NFATC2: variants seen among roughly 807,000 people sequenced by gnomAD.
NFATC2 encodes the protein nuclear factor of activated T cells 2.
In NFATC2, 22 loss-of-function variants were observed where a neutral mutation model predicts 87.3. The ratio of observed to expected loss-of-function variants is 0.25; its 90% CI spans 0.18 to 0.36. The LOEUF is 0.36. NFATC2 is among the 10% of genes least tolerant of loss of function. The probability of loss-of-function intolerance (pLI) is 1.00; values close to 1 mark genes in which losing one functional copy is unlikely to be tolerated. For synonymous variants in NFATC2, 565 were observed against 542.2 expected (o/e 1.04, Z -0.58); for missense variants, 1,149 against 1,259.1 (o/e 0.91, Z 1.32).
chr20:51,404,541 A>G (rs1988370333), intron 9 of NFATC2, among the ~76,000 whole-genome samples: 1 of 152,234 alleles, frequency 6.6e-6, no homozygotes, highest in Non-Finnish European at 1.5e-5. Flanking sequence ...GCACTATGCC[A>G]AGCTAAGAAA....
Position 51,562,062 on chromosome 20 carries a change from C to T in NFATC2, c.70+498G>A, listed in dbSNP as rs1033905533. Among the ~76,000 whole-genome samples, 1 of 152,180 alleles carries T rather than the reference C, an allele frequency of 6.6e-6. No individual in the cohort carries two copies. The highest frequency in any genetic ancestry group is 2.4e-5 in the African/African-American group (1 of 41,438). On this transcript the variant is annotated intron_variant, in intron 1 of 10. Transcript: ENST00000414705. This position sits in a 1 kb window ranked among gnomAD's most constrained non-coding sequence, Gnocchi z 5.8. Reference sequence around the variant, plus strand: ...AGGGGGAAGAAAATAGTTTAAATGTCCCAGAGCATCCGCTGCTGCTGTAAC... The same window carrying T: ...AGGGGGAAGAAAATAGTTTAAATGTTCCAGAGCATCCGCTGCTGCTGTAAC...
intron 1 of NFATC2, among the ~76,000 whole-genome samples, chr20:51,532,543 TC>T (rs1483177756): frequency 6.6e-6 from 1 of 151,930 alleles, no homozygotes; most frequent in Admixed American, 6.6e-5. Context: ...CAGGATTGAG[TC>T]AAAGATTATT....
At chr20:51,522,976 A>C in intron 2 of NFATC2, 105 bp downstream of exon 2, 1 of 1,468,708 alleles carries the variant, frequency 6.8e-7, no homozygotes, top group Non-Finnish European at 9.2e-7. Context: ...ATTTAAATCC[A>C]TTTAAAGTCA....
intron 1 of NFATC2, among the ~76,000 whole-genome samples, chr20:51,531,720 A>G (rs934826665): frequency 6.6e-6 from 1 of 152,206 alleles, no homozygotes; most frequent in Non-Finnish European, 1.5e-5. Context: ...AGCCCAAGAC[A>G]CACAGAATCA....
intron 1 of NFATC2, among the ~76,000 whole-genome samples, chr20:51,558,028 T>C (rs1272631229): frequency 6.6e-6 from 1 of 152,202 alleles, no homozygotes; most frequent in Non-Finnish European, 1.5e-5. Flanking sequence ...CTCAAATTCC[T>C]GTTCTAGCAA....
intron 10 of NFATC2, among the ~76,000 whole-genome samples, chr20:51,397,947 C>T (rs1987435623): frequency 6.6e-6 from 1 of 152,186 alleles, no homozygotes. Context: ...CTGGACTTCA[C>T]ACCCCAGGGC....
chr20:51,432,422 G>A lies in NFATC2; in HGVS notation c.2367C>T (p.Gly789=). The part of the protein sequence containing the change: ...DAHRSVLVHA[G]SQGQSSALLH... ...GCAGGGCTGAGCTCTGGCCCTGGGA[G>A]CCGGCGTGCACCAGCACAGAGCGGT... The change falls in exon 9 of 11, where the codon GGC becomes GGT. Residue 789 remains glycine, a synonymous_variant. Coordinates refer to ENST00000371564, the MANE Select transcript of NFATC2 (RefSeq NM_012340.5). The surrounding 1 kb of genome is among the most constrained non-coding windows in gnomAD (Gnocchi z 4.6). 1 of 1,591,164 alleles carries A rather than the reference G, an allele frequency of 6.3e-7. No homozygotes were observed. The highest frequency in any genetic ancestry group is 8.6e-7 in the Non-Finnish European group (1 of 1,166,980).
intron 9 of NFATC2, among the ~76,000 whole-genome samples, chr20:51,422,757 T>C (rs1981142110): frequency 6.6e-6 from 1 of 152,122 alleles, no homozygotes; most frequent in African/African-American, 2.4e-5. Context: ...GGGCTTTCAT[T>C]TGTTCTTTGT....
In NFATC2 at chr20:51,425,720, G is replaced by A. The variant is rs561459145; in HGVS notation, c.2722+6347C>T. ...GCCAGTTACAAAACACTTTTCCATC[G>A]CTGGGTTCCTTTCCCTGCTTCCTGA... On this transcript the variant is annotated intron_variant, in intron 9 of 10. Transcript: ENST00000371564. 2.0e-5 allele frequency among the ~76,000 whole-genome samples: 3 copies of A among 152,352 alleles called. No homozygotes were observed. In the South Asian group the frequency reaches 6.2e-4, roughly 32 times the overall value.
At position 51,452,651 on chromosome 20, in the gene NFATC2, C is replaced by T. The variant is rs529150366; in HGVS notation, c.1849+1897G>A. ...CCCGTCCTCCCTGCCCAACCTCATC[C>T]CCACACAGACCTCCTCTCCTGTGTG... On this transcript the variant is annotated intron_variant, in intron 6 of 10. Transcript: ENST00000371564. Among the ~76,000 whole-genome samples the T allele has an allele frequency of 2.3e-4, 35 of 152,294 alleles. No individual in the cohort carries two copies. In the East Asian group the frequency reaches 6.8e-3, roughly 29 times the overall value.
intron 2 of NFATC2, among the ~76,000 whole-genome samples, chr20:51,520,495 C>G (rs1251928366): frequency 2.0e-5 from 3 of 150,324 alleles, no homozygotes; most frequent in Non-Finnish European, 4.4e-5. Flanking sequence ...CTAGTTTGCA[C>G]CTGTCTCCCC....
At chr20:51,464,084 T>C (rs1460767590) in intron 5 of NFATC2, among the ~76,000 whole-genome samples, 1 of 152,210 alleles carries the variant, frequency 6.6e-6, no homozygotes, top group Non-Finnish European at 1.5e-5. Context: ...TTGCAGGCTG[T>C]CTGCTCGACT....
intron 9 of NFATC2, among the ~76,000 whole-genome samples, chr20:51,425,312 T>C (rs1981623845): frequency 6.6e-6 from 1 of 152,244 alleles, no homozygotes; most frequent in East Asian, 1.9e-4. Context: ...CCTGGCCTTT[T>C]ATTGGTGTCG....
At chr20:51,404,186 C>T (rs1347777298) in intron 9 of NFATC2, among the ~76,000 whole-genome samples, 1 of 152,198 alleles carries the variant, frequency 6.6e-6, no homozygotes, top group Non-Finnish European at 1.5e-5. Flanking sequence ...CCAACAGCTC[C>T]TCCCTTTCTC....
At chr20:51,482,833 A>G (rs1989377843) in intron 3 of NFATC2, among the ~76,000 whole-genome samples, 1 of 152,218 alleles carries the variant, frequency 6.6e-6, no homozygotes. Flanking sequence ...TTGGCATTCG[A>G]GTTTATGTAC....
intron 5 of NFATC2, among the ~76,000 whole-genome samples, chr20:51,456,841 C>T (rs1447811780): frequency 6.6e-6 from 1 of 152,270 alleles, no homozygotes; most frequent in Non-Finnish European, 1.5e-5. Flanking sequence ...CCTGCATCTG[C>T]TGGGGCCACT....
chr20:51,455,316 A>G (rs1289568013), intron 5 of NFATC2, among the ~76,000 whole-genome samples: 1 of 151,412 alleles, frequency 6.6e-6, no homozygotes, highest in Non-Finnish European at 1.5e-5. Flanking sequence ...TACTCAGCAT[A>G]CTCCTACCTT....
chr20:51,464,582 C>G (rs1465826414), intron 5 of NFATC2, among the ~76,000 whole-genome samples: 1 of 152,140 alleles, frequency 6.6e-6, no homozygotes, highest in Non-Finnish European at 1.5e-5. Flanking sequence ...AAAGGCCTGG[C>G]CAACCTGCTC....
rs1317220048 is a variant in NFATC2, at chr20:51,474,142, C to T, written c.1546G>A (p.Ala516Thr). The T allele has an allele frequency of 6.2e-7, 1 of 1,614,182 alleles. No individual in the cohort carries two copies. The highest frequency in any genetic ancestry group is 1.1e-5 in the South Asian group (1 of 91,076). ...KNNMRATIDC[A>T]GILKLRNADI... is the part of the protein sequence containing the mutation. Reference sequence around the variant, plus strand: ...GCGTTTCTAAGCTTCAAGATCCCCGCACAGTCGATGCTGCCAGGATGTTAA... The same window carrying T: ...GCGTTTCTAAGCTTCAAGATCCCCGTACAGTCGATGCTGCCAGGATGTTAA... The change falls in exon 5 of 11, where the codon GCG becomes ACG. Residue 516 changes from alanine to threonine, a missense_variant. Transcript: ENST00000371564.
Sources: allele counts gnomAD v4.1 joint callset (sites outside exome capture counted in the v4.1 genomes callset), GRCh38; gene constraint gnomAD v4.1.1; non-coding constraint Gnocchi (gnomAD v3.1); transcripts MANE v1.5; gene names NCBI Gene and HGNC (gene_info 2026-07-23, HGNC 2026-07-21).